Variants in NLGN4Y observed in about 807,000 individuals in gnomAD.
The protein encoded by NLGN4Y is neuroligin-4, Y-linked.
Under a neutral mutation model 8.4 loss-of-function variants are expected in NLGN4Y, and 4 were observed. That is an observed-to-expected ratio of 0.48 (90% confidence interval 0.23 to 1.09). NLGN4Y has a LOEUF of 1.09. Among genes scored for constraint, NLGN4Y ranks in the 50% least tolerant of loss-of-function variants. The probability of loss-of-function intolerance (pLI) is 0.19; values close to 1 mark genes in which losing one functional copy is unlikely to be tolerated. For synonymous variants in NLGN4Y, 35 were observed against 75.6 expected, an observed-to-expected ratio of 0.46 and a Z score of 2.78; for missense variants, 90 against 192.3, an observed-to-expected ratio of 0.47 and a Z score of 3.15.
chrY:14,744,186 G>A, intron 4 of NLGN4Y, among the ~76,000 whole-genome samples: 1 of 33,702 alleles, frequency 3.0e-5, no homozygotes, highest in Non-Finnish European at 7.4e-5. Context: ...GGACACATAT[G>A]TGTATACGGT....
intron 6 of NLGN4Y, among the ~76,000 whole-genome samples, chrY:14,832,799 G>T: frequency 5.9e-5 from 2 of 33,869 alleles, no homozygotes; most frequent in African/African-American, 1.1e-4. Flanking sequence ...ATGGAGGCAG[G>T]GTGAGATCAC....
intron 5 of NLGN4Y, among the ~76,000 whole-genome samples, chrY:14,824,994 G>A: frequency 1.8e-4 from 6 of 33,824 alleles, no homozygotes; most frequent in Admixed American, 1.6e-3. Flanking sequence ...GAGACAGTAC[G>A]TCAATAAGGA....
chrY:14,611,535 GA>G, intron 1 of NLGN4Y, among the ~76,000 whole-genome samples: 7 of 27,556 alleles, frequency 2.5e-4, no homozygotes, highest in African/African-American at 1.0e-3. Flanking sequence ...GTCTGGATGT[GA>G]AATTCTGTTT....
intron 2 of NLGN4Y, among the ~76,000 whole-genome samples, chrY:14,623,554 G>A: frequency 1.5e-4 from 5 of 33,990 alleles, no homozygotes; most frequent in Non-Finnish European, 3.7e-4. Flanking sequence ...AAAGCTCTTC[G>A]TGGAGAATGT....
intron 1 of NLGN4Y, among the ~76,000 whole-genome samples, chrY:14,558,411 C>T: frequency 3.0e-5 from 1 of 32,997 alleles, no homozygotes; most frequent in African/African-American, 1.2e-4. Context: ...AAGTCCATAA[C>T]GATTTTGTTT....
At chrY:14,811,199 A>G (rs1044422029) in intron 4 of NLGN4Y, among the ~76,000 whole-genome samples, 1 of 33,720 alleles carries the variant, frequency 3.0e-5, no homozygotes, top group Non-Finnish European at 7.4e-5. Flanking sequence ...ATGATTTCCT[A>G]TAACCATCAA....
At chrY:14,607,181 T>G in intron 1 of NLGN4Y, among the ~76,000 whole-genome samples, 1 of 32,813 alleles carries the variant, frequency 3.0e-5, no homozygotes, top group East Asian at 7.8e-4. Flanking sequence ...TGCTAAAAAT[T>G]TACAAGTTGT....
At chrY:14,753,295 C>T (rs2081047977) in intron 4 of NLGN4Y, among the ~76,000 whole-genome samples, 4 of 30,005 alleles carry the variant, frequency 1.3e-4, no homozygotes, top group Non-Finnish European at 3.2e-4. Flanking sequence ...TGCACCACCA[C>T]GCTCAACTAA....
chrY:14,788,344 C>A (rs2042975094), intron 4 of NLGN4Y, among the ~76,000 whole-genome samples: 1 of 33,368 alleles, frequency 3.0e-5, no homozygotes, highest in African/African-American at 1.2e-4. Flanking sequence ...GGTAGTGTTT[C>A]TTCCTCCATA....
chrY:14,703,526 G>A, intron 2 of NLGN4Y, among the ~76,000 whole-genome samples: 1 of 33,298 alleles, frequency 3.0e-5, no homozygotes, highest in Non-Finnish European at 7.4e-5. Context: ...CTATATCTCT[G>A]TTTTGGTACC....
intron 6 of NLGN4Y, among the ~76,000 whole-genome samples, chrY:14,834,134 C>T: frequency 3.0e-5 from 1 of 32,889 alleles, no homozygotes; most frequent in African/African-American, 1.2e-4. Context: ...CTGAAAGAGC[C>T]GTGAGAATAC....
At chrY:14,637,860 T>TTG (rs372147890) in intron 2 of NLGN4Y, among the ~76,000 whole-genome samples, 135 of 26,544 alleles carry the variant, frequency 5.1e-3, no homozygotes, top group South Asian at 7.6e-3. Flanking sequence ...TTTTTTTTTT[T>TTG]TGTGTGTGTG....
intron 4 of NLGN4Y, among the ~76,000 whole-genome samples, chrY:14,754,293 G>C: frequency 3.0e-5 from 1 of 32,953 alleles, no homozygotes; most frequent in Non-Finnish European, 7.4e-5. Flanking sequence ...AGAATCACTT[G>C]AACTCAGGAG....
At chrY:14,523,586 G>C, upstream of NLGN4Y, 1 of 120,862 alleles carries the variant, frequency 8.3e-6, no homozygotes, top group South Asian at 3.9e-5. Context: ...AGCATGGAAG[G>C]CTTTTCTTCT....
chrY:14,624,207 T>C, intron 2 of NLGN4Y, among the ~76,000 whole-genome samples: 1 of 33,779 alleles, frequency 3.0e-5, no homozygotes, highest in Non-Finnish European at 7.3e-5. Flanking sequence ...TTATAATACA[T>C]TGGATATGCT....
intron 2 of NLGN4Y, chrY:14,639,619 T>A: frequency 5.5e-6 from 1 of 181,779 alleles, no homozygotes; most frequent in South Asian, 3.5e-5. Context: ...GTCCAACATA[T>A]AACTGATGCC....
chrY:14,757,915 G>C (rs982505198), intron 4 of NLGN4Y, among the ~76,000 whole-genome samples: 6 of 34,304 alleles, frequency 1.7e-4, no homozygotes, highest in Non-Finnish European at 3.7e-4. Flanking sequence ...ATACTCTCTG[G>C]ATCATTTCTT....
chrY:14,569,119 A>AT (rs756817826), intron 1 of NLGN4Y, among the ~76,000 whole-genome samples: 4 of 32,033 alleles, frequency 1.2e-4, no homozygotes, highest in Admixed American at 2.9e-4. Flanking sequence ...GATGGAGACC[A>AT]TTTTTTTTTC....
intron 1 of NLGN4Y, among the ~76,000 whole-genome samples, chrY:14,573,249 T>C: frequency 3.0e-5 from 1 of 33,450 alleles, no homozygotes; most frequent in Non-Finnish European, 7.4e-5. Context: ...CTTGGTAAGC[T>C]ATTAATAATT....
Sources: allele counts gnomAD v4.1 joint callset (sites outside exome capture counted in the v4.1 genomes callset), GRCh38; gene constraint gnomAD v4.1.1; transcripts MANE v1.5; gene names NCBI Gene and HGNC (gene_info 2026-07-23, HGNC 2026-07-21).